Variants in REC8 observed in about 807,000 individuals in gnomAD.
REC8 encodes REC8 meiotic recombination protein.
REC8 carries 42 observed loss-of-function variants against 78.3 expected under a neutral mutation model. That is an observed-to-expected ratio of 0.54 (90% CI 0.42 to 0.69). The LOEUF is 0.69. Among genes scored for constraint, REC8 ranks in the 30% least tolerant of loss-of-function variants. The probability of loss-of-function intolerance (pLI) is 0.00; values close to 1 mark genes in which losing one functional copy is unlikely to be tolerated. For missense variants in REC8, 581 were observed against 715.8 expected (o/e 0.81, Z 2.15); for synonymous variants, 268 against 274.1 (o/e 0.98, Z 0.22).
chr14:24,178,065 C>T (rs1446211570), intron 11 of REC8, 26 bp from the exon 12 acceptor site: 2 of 1,605,646 alleles, frequency 1.2e-6, no homozygotes. Context: ...GCAGCCTTGC[C>T]CCTACCTGCC....
chr14:24,178,722 A>T (rs765805255), intron 13 of REC8, 50 bp downstream of exon 13: 3 of 1,613,172 alleles, frequency 1.9e-6, no homozygotes, highest in Non-Finnish European at 2.5e-6. Flanking sequence ...CCAATTCCTC[A>T]TTCCTGGTGC....
At position 24,172,912 on chromosome 14, in the gene REC8, A is replaced by G. The variant is rs1033024541; in HGVS notation, c.139A>G (p.Asn47Asp). 1.9e-6 allele frequency: 3 copies of G among 1,612,604 alleles called. No homozygotes were observed. In the African/African-American group the frequency reaches 4.0e-5, roughly 21 times the overall value. ...NVVKTCEEIL[N>D]YVLVRVQPPQ... ...ATTGTTCCCCAGCGAGGAAATCCTC[A>G]ATTACGTGCTGGTACGAGTGCAACC... The change falls in exon 3 of 19, where the codon AAT becomes GAT. Residue 47 changes from asparagine to aspartate, a missense_variant. Asn to Asp is a conservative substitution (Grantham distance 23, BLOSUM62 1). Transcript: ENST00000611366.
chr14:24,175,938 G>A lies in REC8; in HGVS notation c.544+314G>A, dbSNP rs190257232. On this transcript the variant is annotated intron_variant, in intron 6 of 18. Transcript: ENST00000611366. Reference sequence around the variant, plus strand: ...GGCTGGTCTCAAACTCCTGACCTCAGGTGATCCACCCGCCTCGGCCTCCCA... The same window carrying A: ...GGCTGGTCTCAAACTCCTGACCTCAAGTGATCCACCCGCCTCGGCCTCCCA... 1.5e-3 allele frequency among the ~76,000 whole-genome samples: 221 copies of A among 151,518 alleles called. 1 individual carries two copies. The highest frequency in any genetic ancestry group is 2.5e-3 in the Non-Finnish European group (169 of 67,824).
At chr14:24,176,423 A>T (rs935789988) in intron 6 of REC8, among the ~76,000 whole-genome samples, 2 of 145,242 alleles carry the variant, frequency 1.4e-5, no homozygotes, top group African/African-American at 5.2e-5. Context: ...AGGTCACTGC[A>T]GCCTTGACCT....
intron 10 of REC8, 73 bp from the exon 11 acceptor site, chr14:24,177,636 C>T: frequency 6.3e-7 from 1 of 1,576,048 alleles, no homozygotes; most frequent in Admixed American, 1.9e-5. Flanking sequence ...AGGGAGGACC[C>T]TGCAGTTTCT....
At position 24,178,105 on chromosome 14, in the gene REC8, C is replaced by G; in HGVS notation, c.879C>G (p.Val293=). The G allele has an allele frequency of 6.2e-7, 1 of 1,613,310 alleles. No individual in the cohort carries two copies. Among genetic ancestry groups the G allele is most frequent in the Non-Finnish European group, 8.5e-7 (1 of 1,179,520 alleles). ...APPSPERRPP[V]PPPPRRRRRR... ...CCACTCAACAGAGGAGGCCCCCAGT[C>G]CCCCCACCTCCTCGCCGCCGCCGTC... The change falls in exon 12 of 19, where the codon GTC becomes GTG. Residue 293 remains valine, a synonymous_variant. Transcript: ENST00000611366.
Position 24,178,801 on chromosome 14 carries a change from T to A in REC8, c.1088T>A (p.Leu363Gln), listed in dbSNP as rs1158818312. The change falls in exon 14 of 19, where the codon CTG (leucine) becomes CAG (glutamine). Residue 363 changes from leucine to glutamine, a missense_variant. By Grantham distance (113) the Leu-to-Gln change is moderately radical. Transcript: ENST00000611366. ...TLSGWLPPEL[L>Q]GLWTHCAQPP... ...GCTGGCTGGCTACCCCCTGAACTAC[T>A]GGGTCTCTGGACCCATTGTGCCCAG... is the stretch of plus-strand genomic sequence containing the variant. 1 of 1,613,148 alleles carries A rather than the reference T, an allele frequency of 6.2e-7. No homozygotes were observed. The highest frequency in any genetic ancestry group is 2.2e-5 in the East Asian group (1 of 44,886).
At chr14:24,173,458 A>G (rs2139122923) in intron 5 of REC8, 47 bp downstream of exon 5, 1 of 1,608,044 alleles carries the variant, frequency 6.2e-7, no homozygotes, top group Non-Finnish European at 8.5e-7. Context: ...GCAGAAGGGG[A>G]GTGCTGTCCC....
At chr14:24,175,457 G>A (rs2038848671) in intron 5 of REC8, 86 bp from the exon 6 acceptor site, 14 of 1,009,008 alleles carry the variant, frequency 1.4e-5, no homozygotes, top group East Asian at 4.8e-5. Context: ...GGAGATTACC[G>A]TGCATTGTTG....
intron 16 of REC8, 38 bp from the exon 17 acceptor site, chr14:24,179,557 A>C (rs371032634): frequency 6.2e-7 from 1 of 1,613,902 alleles, no homozygotes; most frequent in Non-Finnish European, 8.5e-7. Context: ...TGTCACTGTC[A>C]CAGCTGCCAC....
chr14:24,175,577 G>A lies in REC8; in HGVS notation c.497G>A (p.Arg166Lys), dbSNP rs549051039. ...CTCTTAGAGGCTGCAATCCCAGAGA[G>A]AGTTGAAGAGATCCCTCCTGAAGTT... ...RHLLEAAIPE[R>K]VEEIPPEVPT... Residue 166 changes from arginine (R) to lysine (K), a missense_variant, in exon 6 of 19, where the codon AGA becomes AAA. Physicochemically the swap from Arg to Lys is conservative, Grantham distance 26. Transcript: ENST00000611366. The A allele has an allele frequency of 1.9e-6, 3 of 1,614,024 alleles. No individual in the cohort carries two copies. Among genetic ancestry groups the A allele is most frequent in the Non-Finnish European group, 2.5e-6 (3 of 1,179,982 alleles).
At position 24,179,565 on chromosome 14, in the gene REC8, C is replaced by T. The variant is rs1316690746; in HGVS notation, c.1320-30C>T. On this transcript the variant is annotated intron_variant, in intron 16 of 18. Coordinates refer to ENST00000611366, the MANE Select transcript of REC8 (RefSeq NM_001048205.2). Reference sequence around the variant, plus strand: ...TGCCCCTTGTCACTGTCACAGCTGCCACCTTCCCTACTCTCTCATGTCCTC... The same window carrying T: ...TGCCCCTTGTCACTGTCACAGCTGCTACCTTCCCTACTCTCTCATGTCCTC... 4 of 1,614,078 alleles carry T rather than the reference C, an allele frequency of 2.5e-6. No individual in the cohort carries two copies. In the South Asian group the frequency reaches 3.3e-5, roughly 13 times the overall value.
rs1268122569 is a variant in REC8 at position 24,179,588 on chromosome 14, C to T, written c.1320-7C>T. ...GCCACCTTCCCTACTCTCTCATGTC[C>T]TCCTAGGGCCTGGCCTGAGGTGGAG... On this transcript the variant is annotated splice_region_variant and splice_polypyrimidine_tract_variant and intron_variant, in intron 16 of 18. Coordinates refer to ENST00000611366, the MANE Select transcript of REC8 (RefSeq NM_001048205.2). 5.0e-6 allele frequency: 8 copies of T among 1,614,054 alleles called. No individual in the cohort carries two copies. Among genetic ancestry groups the T allele is most frequent in the Non-Finnish European group, 8.5e-7 (1 of 1,180,028 alleles).
Position 24,180,149 on chromosome 14 carries a change from C to A in REC8, c.*54C>A. The A allele has an allele frequency of 6.2e-7, 1 of 1,614,060 alleles. No individual in the cohort carries two copies. Among genetic ancestry groups the A allele is most frequent in the Non-Finnish European group, 8.5e-7 (1 of 1,179,998 alleles). ...GAAACCGGCCACTTCTAGTAAACCA[C>A]GTCGTGCCTCACTGGGTCCTGCTTA... On this transcript the variant is annotated 3_prime_UTR_variant, in exon 19 of 19. Transcript: ENST00000611366.
chr14:24,180,661 A>G, downstream of REC8: 1 of 1,613,838 alleles, frequency 6.2e-7, no homozygotes, highest in South Asian at 1.1e-5. Flanking sequence ...GCCTCCCGCA[A>G]GCCCCTGCCT....
intron 5 of REC8, among the ~76,000 whole-genome samples, chr14:24,173,638 C>CCCACTTGTCT (rs1340011701): frequency 6.6e-6 from 1 of 152,142 alleles, no homozygotes; most frequent in Non-Finnish European, 1.5e-5. Flanking sequence ...AGCTCTTGTC[C>CCCACTTGTCT]CCACTTGTCT....
chr14:24,177,343 C>T lies in REC8; in HGVS notation c.707-10C>T. ...TTTCTGTCCTCTGAACTCTGATTCTCTCTCCACAGTCCCGCGGCTCCCACC... is the reference window on the plus strand; with the variant it reads ...TTTCTGTCCTCTGAACTCTGATTCTTTCTCCACAGTCCCGCGGCTCCCACC... On this transcript the variant is annotated splice_polypyrimidine_tract_variant and intron_variant, in intron 8 of 18. Coordinates refer to ENST00000611366, the MANE Select transcript of REC8 (RefSeq NM_001048205.2). The T allele has an allele frequency of 6.2e-7, 1 of 1,614,220 alleles. No homozygotes were observed. The highest frequency in any genetic ancestry group is 8.5e-7 in the Non-Finnish European group (1 of 1,180,044).
At chr14:24,177,781 C>A in intron 11 of REC8, 23 bp downstream of exon 11, 1 of 1,454,376 alleles carries the variant, frequency 6.9e-7, no homozygotes. Context: ...CCTTCTAATC[C>A]TCCTCCTCCT....
rs748979950 is a variant in REC8 at position 24,179,790 on chromosome 14, A to T, written c.1452-10A>T. The T allele has an allele frequency of 6.2e-7, 1 of 1,613,652 alleles. No individual in the cohort carries two copies. Among genetic ancestry groups the T allele is most frequent in the African/African-American group, 1.3e-5 (1 of 74,890 alleles). ...CTGAAGCCTCTGCTAATGGTTCTTG[A>T]TCCCTATAGGGCAGTGGCACTGGAG... On this transcript the variant is annotated splice_polypyrimidine_tract_variant and intron_variant, in intron 17 of 18. Transcript: ENST00000611366.
Sources: allele counts gnomAD v4.1 joint callset (sites outside exome capture counted in the v4.1 genomes callset), GRCh38; gene constraint gnomAD v4.1.1; transcripts MANE v1.5; gene names NCBI Gene and HGNC (gene_info 2026-07-23, HGNC 2026-07-21).